Variants in SART3 observed in about 807,000 individuals in gnomAD.
The protein encoded by SART3 is spliceosome associated factor 3, U4/U6 recycling protein.
A neutral mutation model predicts 122.3 loss-of-function variants in SART3; 44 were observed. That is an observed-to-expected ratio of 0.36 (90% CI 0.28 to 0.46). SART3 has a LOEUF of 0.46. SART3 is among the 20% of genes least tolerant of loss of function. The probability of loss-of-function intolerance (pLI) is 1.00; values close to 1 mark genes in which losing one functional copy is unlikely to be tolerated. For synonymous variants in SART3, 442 were observed against 454.0 expected, an observed-to-expected ratio of 0.97 and a Z score of 0.34; for missense variants, 1,101 against 1,229.0, an observed-to-expected ratio of 0.90 and a Z score of 1.56.
At chr12:108,548,861 A>G (rs904354731) in intron 2 of SART3, among the ~76,000 whole-genome samples, 2 of 152,250 alleles carry the variant, frequency 1.3e-5, no homozygotes, top group African/African-American at 4.8e-5. Flanking sequence ...GTTTACCACA[A>G]CGTTAGAATA....
rs1340492931 is a variant in SART3 at position 108,526,567 on chromosome 12, A to G, written c.1916-14T>C. 1.9e-6 allele frequency: 3 copies of G among 1,612,564 alleles called. No homozygotes were observed. The highest frequency in any genetic ancestry group is 2.7e-5 in the African/African-American group (2 of 74,922). On this transcript the variant is annotated splice_polypyrimidine_tract_variant and intron_variant, in intron 15 of 18. Coordinates refer to ENST00000546815, the MANE Select transcript of SART3 (RefSeq NM_014706.4). ...TGGAAGGCTGCTCTACAGGTTTTCA[A>G]AAGAAAAGTAGCCATGGTTAACTGT...
At chr12:108,557,920 T>C (rs1357800393) in intron 1 of SART3, among the ~76,000 whole-genome samples, 1 of 152,140 alleles carries the variant, frequency 6.6e-6, no homozygotes, top group Non-Finnish European at 1.5e-5. Context: ...TCCGAGCACT[T>C]TGGGAGGCTG....
chr12:108,545,387 T>G (rs937705569), intron 3 of SART3, 64 bp from the exon 4 acceptor site: 2 of 1,535,678 alleles, frequency 1.3e-6, no homozygotes, highest in African/African-American at 1.4e-5. Flanking sequence ...AACTGATGCA[T>G]AACAAACGAA....
intron 1 of SART3, among the ~76,000 whole-genome samples, chr12:108,553,581 A>T (rs769241064): frequency 4.6e-5 from 7 of 152,308 alleles, no homozygotes; most frequent in Non-Finnish European, 7.4e-5. Context: ...GATTACCTAC[A>T]CTTCATTCAA....
At position 108,522,340 on chromosome 12, in the gene SART3, T is replaced by C. The variant is rs1872164905; in HGVS notation, c.*1117A>G. On this transcript the variant is annotated 3_prime_UTR_variant, in exon 19 of 19. Coordinates refer to ENST00000546815, the MANE Select transcript of SART3 (RefSeq NM_014706.4). ...CAAAAACTTAAACTTACGCAACAGA[T>C]AAATGAGGAGTTGATTCCCACGACA... Among the ~76,000 whole-genome samples the C allele has an allele frequency of 6.6e-6, 1 of 152,188 alleles. No homozygotes were observed.
intron 1 of SART3, 98 bp downstream of exon 1, chr12:108,560,745 G>C (rs1300745792): frequency 1.8e-6 from 2 of 1,129,406 alleles, no homozygotes; most frequent in African/African-American, 3.1e-5. Flanking sequence ...CAGCCTTGGC[G>C]GCTTTATCGC....
chr12:108,539,121 T>C (rs1414279664), intron 6 of SART3, 32 bp from the exon 7 acceptor site: 1 of 1,613,452 alleles, frequency 6.2e-7, no homozygotes, highest in Non-Finnish European at 8.5e-7. Context: ...TTGAATTTAG[T>C]TACTGGCAGG....
At position 108,531,147 on chromosome 12, in the gene SART3, C is replaced by A. The variant is rs1349678773; in HGVS notation, c.1746+57G>T. 3.6e-6 allele frequency: 5 copies of A among 1,383,050 alleles called. No individual in the cohort carries two copies. The South Asian group carries it at 5.8e-5, about 16-fold the overall frequency. 85.7% of individuals were successfully genotyped at this position (1,383,050 alleles called of 1,614,324 possible). A position where few individuals can be genotyped will look rare whatever the true frequency, so the allele number is the denominator to read the frequency against. On this transcript the variant is annotated intron_variant, in intron 14 of 18. Transcript: ENST00000546815. ...AACATCTTGACAAGAAACATCCATA[C>A]CAAACTGAGCCAAAATAGCTACCAG...
At chr12:108,525,830 TCA>T (rs1374973722) in intron 16 of SART3, 8 of 628,752 alleles carry the variant, frequency 1.3e-5, no homozygotes, top group Admixed American at 5.3e-5. Flanking sequence ...AAGTAACCAT[TCA>T]CAGAGTCTCA....
intron 15 of SART3, among the ~76,000 whole-genome samples, chr12:108,527,684 C>A (rs915216084): frequency 1.1e-4 from 16 of 152,248 alleles, no homozygotes; most frequent in African/African-American, 3.9e-4. Context: ...ATGGATGACT[C>A]CATTCCCAGT....
chr12:108,550,813 G>A (rs1287490756), intron 1 of SART3, among the ~76,000 whole-genome samples: 1 of 152,118 alleles, frequency 6.6e-6, no homozygotes, highest in South Asian at 2.1e-4. Flanking sequence ...AGTGAGCAGA[G>A]ATCCAGCCTG....
At chr12:108,553,358 G>GAGGGAA (rs1255980164) in intron 1 of SART3, among the ~76,000 whole-genome samples, 2 of 152,244 alleles carry the variant, frequency 1.3e-5, no homozygotes, top group East Asian at 3.9e-4. Flanking sequence ...TGTTATCATT[G>GAGGGAA]AGGGAAACTG....
chr12:108,540,400 C>A (rs1351278041), intron 6 of SART3, among the ~76,000 whole-genome samples: 4 of 152,088 alleles, frequency 2.6e-5, no homozygotes, highest in Non-Finnish European at 5.9e-5. Context: ...CAGCAAATCT[C>A]CCTTGCAGGG....
intron 14 of SART3, among the ~76,000 whole-genome samples, chr12:108,530,870 A>T (rs1166705492): frequency 6.6e-6 from 1 of 151,524 alleles, no homozygotes; most frequent in African/African-American, 2.4e-5. Flanking sequence ...AAAAAAAAAA[A>T]TCCATAAAAC....
In SART3 at chr12:108,539,044, C is replaced by A. The variant is rs368683159; in HGVS notation, c.952G>T (p.Asp318Tyr). The A allele has an allele frequency of 3.1e-6, 5 of 1,614,068 alleles. No homozygotes were observed. Among genetic ancestry groups the A allele is most frequent in the Non-Finnish European group, 4.2e-6 (5 of 1,180,046 alleles). ...GGATCGCCAATTTTCATCTCAAAAT[C>A]GATATATGCTTGATATTCTGCCAGC... is the stretch of plus-strand genomic sequence containing the variant. ...PRLAEYQAYI[D>Y]FEMKIGDPAR... Residue 318 changes from aspartate to tyrosine, a missense_variant, in exon 7 of 19, where the codon GAT (aspartate) becomes TAT (tyrosine). Transcript: ENST00000546815.
intron 5 of SART3, among the ~76,000 whole-genome samples, chr12:108,544,045 AG>A (rs1356762327): frequency 2.0e-5 from 3 of 152,320 alleles, no homozygotes; most frequent in African/African-American, 7.2e-5. Flanking sequence ...GTTATGGAAG[AG>A]GTTACTTGTG....
chr12:108,524,546 G>A, intron 17 of SART3, 40 bp from the exon 18 acceptor site: 1 of 1,595,322 alleles, frequency 6.3e-7, no homozygotes. Flanking sequence ...AGATCCCGCA[G>A]ACTAGGGACG....
chr12:108,536,406 T>C (rs548650975), intron 11 of SART3, 108 bp downstream of exon 11: 55 of 1,086,768 alleles, frequency 5.1e-5, no homozygotes, highest in Non-Finnish European at 7.2e-5. Flanking sequence ...TAAATCCTTA[T>C]AGAGCTTAGG....
intron 15 of SART3, 67 bp from the exon 16 acceptor site, chr12:108,526,620 G>A: frequency 1.9e-6 from 3 of 1,538,630 alleles, no homozygotes; most frequent in Non-Finnish European, 2.7e-6. Flanking sequence ...CTTGAACAGA[G>A]GTGTGAAGTG....
Sources: gnomAD v4.1 joint callset for allele counts (sites outside exome capture counted in the v4.1 genomes callset) on GRCh38, gnomAD v4.1.1 for gene constraint, MANE v1.5 for transcripts, NCBI Gene and HGNC (gene_info 2026-07-23, HGNC 2026-07-21) for gene names.